The following PCDHA8 variants were observed in gnomAD, a reference collection of about 807,000 sequenced individuals.
The protein encoded by PCDHA8 is protocadherin alpha 8.
In PCDHA8, 53 loss-of-function variants were observed where a neutral mutation model predicts 61.8. The observed-to-expected ratio is 0.86, with a 90% CI of 0.69 to 1.08. The LOEUF (loss-of-function observed/expected upper bound fraction) is 1.08, where lower values mean the gene tolerates loss of function less well. Ranked by LOEUF, PCDHA8 falls within the 50% of genes least tolerant of loss-of-function variation. The pLI is 0.00. For synonymous variants in PCDHA8, 618 were observed against 556.6 expected, an observed-to-expected ratio of 1.11 and a Z score of -1.55; for missense variants, 1,293 against 1,245.0, an observed-to-expected ratio of 1.04 and a Z score of -0.58.
chr5:140,849,170 C>A lies in PCDHA8; in HGVS notation c.2394+5455C>A, dbSNP rs2150431916. 4.4e-5 allele frequency: 49 copies of A among 1,111,512 alleles called. No homozygotes were observed. The African/African-American group carries it at 7.8e-4, about 18-fold the overall frequency. 68.9% of individuals were successfully genotyped at this position (1,111,512 alleles called of 1,614,324 possible). ...GAGGCAAACCCGAGCTGACTGGCAC[C>A]GTTCAATTACTCATCACGGTACTGG... On this transcript the variant is annotated intron_variant, in intron 1 of 3. Transcript: ENST00000531613.
At chr5:140,968,749 G>A in intron 1 of PCDHA8, 1 of 1,614,150 alleles carries the variant, frequency 6.2e-7, no homozygotes, top group Non-Finnish European at 8.5e-7. Context: ...TGACCGTGGT[G>A]GTCCGAGATA....
intron 1 of PCDHA8, chr5:140,877,744 G>A (rs200651425): frequency 6.2e-7 from 1 of 1,614,080 alleles, no homozygotes; most frequent in African/African-American, 1.3e-5. Flanking sequence ...GAGGCAGAGG[G>A]TGTGCTCTGC....
chr5:140,856,200 T>G (rs1463727286), intron 1 of PCDHA8: 1 of 1,597,908 alleles, frequency 6.3e-7, no homozygotes, highest in African/African-American at 1.3e-5. Flanking sequence ...GCGCAGGACC[T>G]GGGGCTGGAG....
At chr5:140,904,570 G>T (rs1377408350) in intron 1 of PCDHA8, among the ~76,000 whole-genome samples, 1 of 151,378 alleles carries the variant, frequency 6.6e-6, no homozygotes, top group African/African-American at 2.4e-5. Context: ...TTTTCCTCTG[G>T]GTAGACACCC....
chr5:140,977,325 G>A (rs1277032974), intron 1 of PCDHA8, among the ~76,000 whole-genome samples: 1 of 152,210 alleles, frequency 6.6e-6, no homozygotes, highest in African/African-American at 2.4e-5. Context: ...TCCTGATGGC[G>A]AGGGGAGAGA....
chr5:140,857,337 G>T, intron 1 of PCDHA8: 1 of 1,598,496 alleles, frequency 6.3e-7, no homozygotes, highest in South Asian at 1.1e-5. Context: ...CGGGACGGGG[G>T]CTCGCCTCCG....
At chr5:140,919,166 GT>G (rs1382267419) in intron 1 of PCDHA8, among the ~76,000 whole-genome samples, 15 of 152,114 alleles carry the variant, frequency 9.9e-5, no homozygotes, top group Admixed American at 9.8e-4. Context: ...TATGTTTTTA[GT>G]TGCTATATCT....
chr5:140,988,558 T>C lies in PCDHA8; in HGVS notation c.2542+5995T>C, dbSNP rs982984587. ...CCATTCATGACTTTCTTCATCTTCT[T>C]CTTGGGAAAACACTCTGTACCTTCC... On this transcript the variant is annotated intron_variant, in intron 3 of 3. Transcript: ENST00000531613. 3.9e-5 allele frequency among the ~76,000 whole-genome samples: 6 copies of C among 152,198 alleles called. 1 individual carries two copies. Among genetic ancestry groups the C allele is most frequent in the Admixed American group, 3.9e-4 (6 of 15,276 alleles).
rs2098417406 is a variant in PCDHA8, at chr5:141,010,474, G to A, written c.*537G>A. Reference sequence around the variant, plus strand: ...CGGAAGTTATCAGTATGGAGGGGAAGTGTAAACTTAAAGGGACCAGACTTT... The same window carrying A: ...CGGAAGTTATCAGTATGGAGGGGAAATGTAAACTTAAAGGGACCAGACTTT... On this transcript the variant is annotated 3_prime_UTR_variant, in exon 4 of 4. Transcript: ENST00000531613. The A allele has an allele frequency of 3.9e-6, 3 of 760,382 alleles. No individual in the cohort carries two copies. The highest frequency in any genetic ancestry group is 3.2e-5 in the Admixed American group (1 of 31,594). The allele number at this position is 760,382 out of a possible 1,614,324, so 47.1% of individuals were successfully genotyped here.
intron 1 of PCDHA8, chr5:140,927,595 C>A (rs2084392576): frequency 1.2e-6 from 2 of 1,614,038 alleles, no homozygotes; most frequent in South Asian, 2.2e-5. Context: ...TGTATTTGAG[C>A]GCTCCGTATA....
chr5:140,969,046 C>A, intron 1 of PCDHA8: 5 of 1,614,074 alleles, frequency 3.1e-6, no homozygotes, highest in Non-Finnish European at 4.2e-6. Flanking sequence ...ACAAACAAGC[C>A]AACAACAATA....
intron 1 of PCDHA8, among the ~76,000 whole-genome samples, chr5:140,937,247 C>T (rs1370735573): frequency 6.6e-6 from 1 of 151,974 alleles, no homozygotes; most frequent in Non-Finnish European, 1.5e-5. Context: ...CCGTGTTAGC[C>T]AGGATGGTCT....
intron 1 of PCDHA8, chr5:140,850,027 A>G (rs2150464152): frequency 2.5e-6 from 4 of 1,596,758 alleles, no homozygotes; most frequent in Non-Finnish European, 3.4e-6. Context: ...GTGTCAGTGC[A>G]CGCGGAGAGC....
At chr5:140,878,577 G>A (rs1228813773) in intron 1 of PCDHA8, among the ~76,000 whole-genome samples, 2 of 152,122 alleles carry the variant, frequency 1.3e-5, no homozygotes, top group African/African-American at 2.4e-5. Context: ...GTATACCACT[G>A]CCCTGTGCCT....
intron 1 of PCDHA8, chr5:140,850,632 C>G: frequency 6.3e-7 from 1 of 1,598,646 alleles, no homozygotes; most frequent in Non-Finnish European, 8.6e-7. Context: ...CCTGTTGGTT[C>G]TCACGCTGCT....
intron 1 of PCDHA8, among the ~76,000 whole-genome samples, chr5:140,920,083 G>A (rs536573725): frequency 3.3e-5 from 5 of 152,260 alleles, no homozygotes; most frequent in East Asian, 1.9e-4. Flanking sequence ...CAGATTCTCC[G>A]TAGAGCCTCT....
chr5:140,969,069 T>G, intron 1 of PCDHA8: 1 of 1,614,160 alleles, frequency 6.2e-7, no homozygotes, highest in Non-Finnish European at 8.5e-7. Flanking sequence ...GATGCCAGGA[T>G]ACCGCATGGC....
At chr5:140,990,314 C>G (rs1295117014) in intron 3 of PCDHA8, among the ~76,000 whole-genome samples, 1 of 152,094 alleles carries the variant, frequency 6.6e-6, no homozygotes, top group East Asian at 1.9e-4. Flanking sequence ...AAAAAACCAA[C>G]CAAACAAACT....
At chr5:140,870,606 C>T (rs781958673) in intron 1 of PCDHA8, 24 of 1,613,142 alleles carry the variant, frequency 1.5e-5, no homozygotes, top group Non-Finnish European at 3.4e-6. Flanking sequence ...TGGGCGACCG[C>T]GCGCTGTCGA....
Sources: gnomAD v4.1 joint callset for allele counts (sites outside exome capture counted in the v4.1 genomes callset) on GRCh38, gnomAD v4.1.1 for gene constraint, MANE v1.5 for transcripts, NCBI Gene and HGNC (gene_info 2026-07-23, HGNC 2026-07-21) for gene names.